Variants in LRBA observed in about 807,000 individuals in gnomAD.
LRBA encodes lipopolysaccharide-responsive and beige-like anchor protein.
Under a neutral mutation model 330.0 loss-of-function variants are expected in LRBA, and 176 were observed. That is an observed-to-expected ratio of 0.53 (90% CI 0.47 to 0.60). The LOEUF is 0.60. LRBA is among the 20% of genes least tolerant of loss of function. LRBA has a pLI of 0.00. For synonymous variants in LRBA, 1,230 were observed against 1,193.0 expected (o/e 1.03, Z -0.64); for missense variants, 3,259 against 3,444.8 (o/e 0.95, Z 1.35).
At chr4:150,474,477 T>C (rs1179139226) in intron 42 of LRBA, among the ~76,000 whole-genome samples, 5 of 152,158 alleles carry the variant, frequency 3.3e-5, no homozygotes, top group Admixed American at 3.3e-4. Flanking sequence ...TATTTCAAAA[T>C]TGTTTCAGCT....
At chr4:150,657,357 T>A (rs1279331516) in intron 37 of LRBA, among the ~76,000 whole-genome samples, 1 of 152,164 alleles carries the variant, frequency 6.6e-6, no homozygotes, top group South Asian at 2.1e-4. Flanking sequence ...TAATAACCTC[T>A]AGGGGTTACC....
At chr4:150,537,161 T>C (rs1341774304) in intron 40 of LRBA, among the ~76,000 whole-genome samples, 2 of 151,968 alleles carry the variant, frequency 1.3e-5, no homozygotes, top group African/African-American at 4.8e-5. Flanking sequence ...GAATAGACAA[T>C]TCAGAAATAA....
chr4:150,896,330 CT>C, intron 16 of LRBA, 63 bp downstream of exon 16: 1 of 834,174 alleles, frequency 1.2e-6, no homozygotes, highest in East Asian at 2.9e-5. Flanking sequence ...TAAATTTTTA[CT>C]TTTAAAAAAG....
At chr4:150,287,922 A>C (rs927524371) in intron 53 of LRBA, among the ~76,000 whole-genome samples, 1 of 152,242 alleles carries the variant, frequency 6.6e-6, no homozygotes, top group African/African-American at 2.4e-5. Flanking sequence ...AATTTGGGAA[A>C]ATTTTAAAGA....
intron 48 of LRBA, among the ~76,000 whole-genome samples, chr4:150,329,576 T>G (rs1046663239): frequency 3.3e-5 from 5 of 152,066 alleles, no homozygotes; most frequent in African/African-American, 1.2e-4. Flanking sequence ...AGCACTATGA[T>G]TCACTCAACT....
rs1413819149 is a variant in LRBA, at chr4:150,928,845, T to C, written c.437A>G (p.Asn146Ser). 7 of 1,613,046 alleles carry C rather than the reference T, an allele frequency of 4.3e-6. No homozygotes were observed. Among genetic ancestry groups the C allele is most frequent in the Admixed American group, 3.3e-5 (2 of 59,990 alleles). The change falls in exon 3 of 57, where the codon AAT becomes AGT. Residue 146 changes from asparagine to serine, a missense_variant. Transcript: ENST00000651943. ...AGAAAAAATCATACCTGCTATCATATTGTCAACTTTTTCAATTTTCCCAAG... is the reference window on the plus strand; with the variant it reads ...AGAAAAAATCATACCTGCTATCATACTGTCAACTTTTTCAATTTTCCCAAG... Reference protein sequence around the residue: ...KVLGKIEKVDNMIADLLVDML... With the variant: ...KVLGKIEKVDSMIADLLVDML...
At chr4:150,523,433 G>A (rs1763135448) in intron 40 of LRBA, among the ~76,000 whole-genome samples, 1 of 152,084 alleles carries the variant, frequency 6.6e-6, no homozygotes, top group South Asian at 2.1e-4. Flanking sequence ...GCAGAGAGCA[G>A]CCCTCACCAG....
In LRBA at chr4:150,828,419, AAG is replaced by A; in HGVS notation, c.4930_4931del (p.Leu1644PhefsTer6). On this transcript the variant is annotated frameshift_variant, in exon 30 of 57. Transcript: ENST00000651943. LOFTEE classifies it high-confidence loss of function. Reference protein sequence around the residue: ...PDAISEVLSTLSLEVNKSPET... With the variant: ...PDAISEVLSTXSLEVNKSPET... ...CCGGAGACTTATTGACTTCTAAAGA[AAG>A]AGTAGATAGCACCTCGCTGATTGCA... 1 of 1,614,130 alleles carries A rather than the reference AAG, an allele frequency of 6.2e-7. No individual in the cohort carries two copies. The highest frequency in any genetic ancestry group is 8.5e-7 in the Non-Finnish European group (1 of 1,180,006).
chr4:150,925,120 C>A (rs1406850245), intron 4 of LRBA, among the ~76,000 whole-genome samples: 1 of 150,598 alleles, frequency 6.6e-6, no homozygotes. Flanking sequence ...GAGCCATGAT[C>A]ACACCATTGC....
intron 40 of LRBA, among the ~76,000 whole-genome samples, chr4:150,502,465 G>A (rs1760409192): frequency 6.6e-6 from 1 of 152,152 alleles, no homozygotes; most frequent in East Asian, 1.9e-4. Flanking sequence ...TAATTACTGG[G>A]CCTGTAAAAG....
At chr4:150,303,937 T>C (rs1412987842) in intron 52 of LRBA, among the ~76,000 whole-genome samples, 1 of 152,178 alleles carries the variant, frequency 6.6e-6, no homozygotes, top group Non-Finnish European at 1.5e-5. Context: ...CAAACTTGTC[T>C]AAACAATTAA....
chr4:150,325,867 T>C lies in LRBA; in HGVS notation c.7394A>G (p.Gln2465Arg). 1 of 1,613,482 alleles carries C rather than the reference T, an allele frequency of 6.2e-7. No homozygotes were observed. The highest frequency in any genetic ancestry group is 8.5e-7 in the Non-Finnish European group (1 of 1,179,650). Residue 2465 changes from glutamine (Q) to arginine (R), a missense_variant, in exon 49 of 57, where the codon CAG becomes CGG. Physicochemically the swap from Gln to Arg is conservative, Grantham distance 43 (BLOSUM62 1). Coordinates refer to ENST00000651943, the MANE Select transcript of LRBA (RefSeq NM_001364905.1). ...AVEAQIRSFG[Q>R]TPSQLLIEPH... Reference sequence around the variant, plus strand: ...CTCTATGAGTAGTTGAGAAGGAGTCTGTCCAAAACTTCGGATTTGAGCTTC... The same window carrying C: ...CTCTATGAGTAGTTGAGAAGGAGTCCGTCCAAAACTTCGGATTTGAGCTTC...
intron 37 of LRBA, among the ~76,000 whole-genome samples, chr4:150,661,191 C>T (rs536951600): frequency 6.6e-6 from 1 of 151,260 alleles, no homozygotes; most frequent in East Asian, 1.9e-4. Context: ...CAAACAGAGG[C>T]CAGGCATGGT....
intron 44 of LRBA, among the ~76,000 whole-genome samples, chr4:150,466,738 C>G (rs971927763): frequency 3.3e-5 from 5 of 151,998 alleles, no homozygotes; most frequent in Non-Finnish European, 1.5e-5. Flanking sequence ...ATATTCCACT[C>G]ACCTAAAAAA....
intron 43 of LRBA, among the ~76,000 whole-genome samples, chr4:150,468,339 T>C (rs1156574525): frequency 6.6e-6 from 1 of 152,066 alleles, no homozygotes; most frequent in African/African-American, 2.4e-5. Context: ...TCAAATCCTA[T>C]AATCCTCTGA....
At position 150,850,743 on chromosome 4, in the gene LRBA, C is replaced by G; in HGVS notation, c.3985G>C (p.Asp1329His). Residue 1329 changes from aspartate (D) to histidine (H), a missense_variant, in exon 24 of 57, where the codon GAT (aspartate) becomes CAT (histidine). By Grantham distance (81) the Asp-to-His change is moderately conservative. Transcript: ENST00000651943. ...LTDLLFSIETDIQMWRSHSTK... is the reference protein window; with the variant it reads ...LTDLLFSIETHIQMWRSHSTK... ...ACAAACCTTCTCCACATCTGTATAT[C>G]TGTTTCTATTGAAAATAATAGATCA... 1 of 1,611,478 alleles carries G rather than the reference C, an allele frequency of 6.2e-7. No homozygotes were observed. The highest frequency in any genetic ancestry group is 8.5e-7 in the Non-Finnish European group (1 of 1,177,946).
intron 40 of LRBA, among the ~76,000 whole-genome samples, chr4:150,554,049 T>G (rs1020270701): frequency 2.0e-5 from 3 of 152,170 alleles, no homozygotes; most frequent in Admixed American, 6.5e-5. Context: ...CCAAAACTAG[T>G]GAGAAACCTT....
chr4:150,705,870 C>A (rs913665070), intron 36 of LRBA, among the ~76,000 whole-genome samples: 7 of 151,820 alleles, frequency 4.6e-5, no homozygotes, highest in African/African-American at 1.7e-4. Flanking sequence ...AACACCTCTG[C>A]TAAAGTCAGG....
chr4:150,319,496 C>A (rs541098194), intron 50 of LRBA, among the ~76,000 whole-genome samples: 1 of 152,050 alleles, frequency 6.6e-6, no homozygotes, highest in African/African-American at 2.4e-5. Flanking sequence ...AAAAAAATCA[C>A]GTTTCTTAAA....
Sources: gnomAD v4.1 joint callset for allele counts (sites outside exome capture counted in the v4.1 genomes callset) on GRCh38, gnomAD v4.1.1 for gene constraint, MANE v1.5 for transcripts, NCBI Gene and HGNC (gene_info 2026-07-23, HGNC 2026-07-21) for gene names.